CTNNA3: variants seen among roughly 807,000 people sequenced by gnomAD.
The protein encoded by CTNNA3 is catenin alpha-3.
CTNNA3 carries 76 observed loss-of-function variants against 95.7 expected under a neutral mutation model. The observed-to-expected ratio is 0.79, with a 90% CI of 0.66 to 0.96. CTNNA3 has a LOEUF of 0.96. Ranked by LOEUF, CTNNA3 falls within the 40% of genes least tolerant of loss-of-function variation. The probability of loss-of-function intolerance (pLI) is 0.00; values close to 1 mark genes in which losing one functional copy is unlikely to be tolerated. For synonymous variants in CTNNA3, 431 were observed against 374.4 expected, an observed-to-expected ratio of 1.15 and a Z score of -1.74; for missense variants, 1,191 against 1,089.8, an observed-to-expected ratio of 1.09 and a Z score of -1.31.
chr10:66,382,277 T>G (rs1167064393), intron 11 of CTNNA3, among the ~76,000 whole-genome samples: 8 of 152,158 alleles, frequency 5.3e-5, no homozygotes, highest in Admixed American at 5.2e-4. Flanking sequence ...AAGGTGATTC[T>G]CTCCCATGCC....
At chr10:66,918,549 G>A (rs1846612866) in intron 7 of CTNNA3, among the ~76,000 whole-genome samples, 1 of 152,130 alleles carries the variant, frequency 6.6e-6, no homozygotes, top group African/African-American at 2.4e-5. Context: ...GCAAGTTAAA[G>A]CCTACAATGG....
intron 10 of CTNNA3, among the ~76,000 whole-genome samples, chr10:66,576,930 C>A: frequency 6.8e-6 from 1 of 148,040 alleles, no homozygotes; most frequent in East Asian, 1.9e-4. Flanking sequence ...AGTGGCTGAA[C>A]TAACTTATAT....
chr10:66,349,045 G>C (rs1427992785), intron 12 of CTNNA3, among the ~76,000 whole-genome samples: 1 of 152,000 alleles, frequency 6.6e-6, no homozygotes, highest in Non-Finnish European at 1.5e-5. Context: ...AAAAGTTGAT[G>C]GGATATATTT....
At chr10:67,425,796 G>A (rs903121338) in intron 5 of CTNNA3, among the ~76,000 whole-genome samples, 1 of 152,052 alleles carries the variant, frequency 6.6e-6, no homozygotes, top group Non-Finnish European at 1.5e-5. Flanking sequence ...AGAGAAGGGG[G>A]ATGGAGAGAG....
intron 12 of CTNNA3, among the ~76,000 whole-genome samples, chr10:66,367,404 A>G (rs1226314041): frequency 6.6e-6 from 1 of 151,854 alleles, no homozygotes; most frequent in Non-Finnish European, 1.5e-5. Context: ...TTTAAAACAA[A>G]AGAAATCAAT....
At chr10:67,206,851 C>T (rs937778084) in intron 6 of CTNNA3, among the ~76,000 whole-genome samples, 24 of 152,098 alleles carry the variant, frequency 1.6e-4, no homozygotes, top group African/African-American at 5.8e-4. Flanking sequence ...ACTAAAACCC[C>T]TTCTCAAAAC....
At chr10:66,187,351 C>G (rs941781049) in intron 13 of CTNNA3, among the ~76,000 whole-genome samples, 2 of 150,350 alleles carry the variant, frequency 1.3e-5, no homozygotes, top group African/African-American at 2.5e-5. Flanking sequence ...AAAGGAAAAG[C>G]TAGGAATGAG....
At position 66,586,755 on chromosome 10, in the gene CTNNA3, G is replaced by A. The variant is rs367567936; in HGVS notation, c.1374+34937C>T. On this transcript the variant is annotated intron_variant, in intron 10 of 17. Coordinates refer to ENST00000433211, the MANE Select transcript of CTNNA3 (RefSeq NM_013266.4). ...GTTTGACTGTTGGGGTAGAGCTGCA[G>A]ACTTTCCCCACTGAGCCCAGCACTG... 2.6e-4 allele frequency among the ~76,000 whole-genome samples: 40 copies of A among 152,236 alleles called. 1 individual carries two copies. The highest frequency in any genetic ancestry group is 3.4e-3 in the Middle Eastern group (1 of 294).
At chr10:67,124,333 G>GAT (rs1859605800) in intron 7 of CTNNA3, among the ~76,000 whole-genome samples, 2 of 141,770 alleles carry the variant, frequency 1.4e-5, no homozygotes, top group Admixed American at 1.4e-4. Context: ...GTGTGTTAGC[G>GAT]GTGTGTGTGT....
rs193170250 is a variant in CTNNA3 at position 66,335,561 on chromosome 10, A to T, written c.1732+43591T>A. 8.0e-4 allele frequency among the ~76,000 whole-genome samples: 122 copies of T among 152,164 alleles called. 2 individuals carry two copies. The East Asian group carries it at 0.023, about 29-fold the overall frequency. On this transcript the variant is annotated intron_variant, in intron 12 of 17. Transcript: ENST00000433211. ...AGAACAGTGGATATTGGTGAACAGC[A>T]AATGTTGCTGCCTGATTGTTCCTCT... is the stretch of plus-strand genomic sequence containing the variant.
At chr10:67,500,273 G>C (rs575951664) in intron 5 of CTNNA3, among the ~76,000 whole-genome samples, 1 of 152,312 alleles carries the variant, frequency 6.6e-6, no homozygotes, top group East Asian at 1.9e-4. Context: ...GTTCTAATTT[G>C]ATTGCACTAT....
chr10:66,700,913 T>A (rs2075910603), intron 9 of CTNNA3, among the ~76,000 whole-genome samples: 1 of 152,300 alleles, frequency 6.6e-6, no homozygotes, highest in Middle Eastern at 3.4e-3. Flanking sequence ...GTGTAGCCAA[T>A]AAATAGCATT....
intron 5 of CTNNA3, among the ~76,000 whole-genome samples, chr10:67,266,333 T>A (rs924645168): frequency 6.6e-6 from 1 of 152,102 alleles, no homozygotes; most frequent in African/African-American, 2.4e-5. Context: ...GGGGAGGCTA[T>A]CCTCCCCTGT....
At chr10:67,388,981 A>G (rs1478962555) in intron 5 of CTNNA3, among the ~76,000 whole-genome samples, 7 of 150,632 alleles carry the variant, frequency 4.6e-5, no homozygotes, top group Admixed American at 4.6e-4. Flanking sequence ...GACCATCAAG[A>G]CTAGGAAGAA....
intron 7 of CTNNA3, among the ~76,000 whole-genome samples, chr10:66,840,250 G>A (rs150524749): frequency 3.0e-3 from 456 of 151,116 alleles, no homozygotes; most frequent in Non-Finnish European, 5.0e-3. Flanking sequence ...TCACATTATG[G>A]ATAATGTCAG....
intron 4 of CTNNA3, among the ~76,000 whole-genome samples, chr10:67,536,594 A>G (rs1840493580): frequency 6.6e-6 from 1 of 152,114 alleles, no homozygotes; most frequent in Non-Finnish European, 1.5e-5. Context: ...AAAATTCCAA[A>G]CTGATATTTC....
chr10:67,422,439 G>A (rs1453857105), intron 5 of CTNNA3, among the ~76,000 whole-genome samples: 2 of 152,018 alleles, frequency 1.3e-5, no homozygotes, highest in Non-Finnish European at 2.9e-5. Flanking sequence ...AATGTGTATG[G>A]GTAAACAAGA....
At chr10:66,138,928 C>G (rs775212236) in intron 13 of CTNNA3, among the ~76,000 whole-genome samples, 3 of 152,188 alleles carry the variant, frequency 2.0e-5, no homozygotes, top group Non-Finnish European at 4.4e-5. Flanking sequence ...TTACACATCA[C>G]TCTCTCTAAA....
intron 11 of CTNNA3, among the ~76,000 whole-genome samples, chr10:66,392,349 G>A (rs79017547): frequency 0.11 from 17,466 of 151,924 alleles, 1,393 homozygotes; most frequent in East Asian, 0.22. Context: ...AGAATTGCTT[G>A]AACCTGGGAG....
Sources: allele counts gnomAD v4.1 joint callset (sites outside exome capture counted in the v4.1 genomes callset), GRCh38; gene constraint gnomAD v4.1.1; transcripts MANE v1.5; gene names NCBI Gene and HGNC (gene_info 2026-07-23, HGNC 2026-07-21).